ANKRD36C: variants seen among roughly 807,000 people sequenced by gnomAD.
ANKRD36C encodes the protein ankyrin repeat domain-containing protein 36C.
A neutral mutation model predicts 276.4 loss-of-function variants in ANKRD36C; 61 were observed. The ratio of observed to expected loss-of-function variants is 0.22; its 90% CI spans 0.18 to 0.27. The LOEUF (loss-of-function observed/expected upper bound fraction) is 0.27, where lower values mean the gene tolerates loss of function less well. ANKRD36C is among the 10% of genes least tolerant of loss of function. The probability of loss-of-function intolerance (pLI) is 1.00; values close to 1 mark genes in which losing one functional copy is unlikely to be tolerated. For synonymous variants in ANKRD36C, 483 were observed against 680.1 expected, an observed-to-expected ratio of 0.71 and a Z score of 4.51; for missense variants, 1,447 against 2,032.3, an observed-to-expected ratio of 0.71 and a Z score of 5.54.
chr2:95,963,270 T>G (rs912320976), intron 6 of ANKRD36C, among the ~76,000 whole-genome samples: 3 of 152,110 alleles, frequency 2.0e-5, no homozygotes, highest in Non-Finnish European at 2.9e-5. Flanking sequence ...ATTGACATAC[T>G]TCTACAAAAT....
chr2:95,914,042 C>T, intron 40 of ANKRD36C, 66 bp downstream of exon 42: 1 of 1,454,178 alleles, frequency 6.9e-7, no homozygotes, highest in Non-Finnish European at 9.4e-7. Context: ...CCGCTGATTT[C>T]TTCAGGGAAG....
At chr2:95,974,057 A>T (rs567224361) in intron 6 of ANKRD36C, among the ~76,000 whole-genome samples, 314 of 151,980 alleles carry the variant, frequency 2.1e-3, no homozygotes, top group Non-Finnish European at 3.1e-3. Flanking sequence ...TCTCAAAAAA[A>T]AAAAAAAATC....
chr2:95,884,086 CGACG>C, intron 54 of ANKRD36C, 83 bp downstream of exon 74: 1 of 1,427,454 alleles, frequency 7.0e-7, no homozygotes, highest in Non-Finnish European at 9.6e-7. Context: ...TGTGCAGCTT[CGACG>C]AGCCCTCCGT....
At chr2:95,864,949 T>C (rs1468424160) in intron 60 of ANKRD36C, among the ~76,000 whole-genome samples, 2 of 152,068 alleles carry the variant, frequency 1.3e-5, no homozygotes, top group African/African-American at 2.4e-5. Context: ...ACAAATTCAA[T>C]ATAGAAAAAT....
intron 39 of ANKRD36C, 47 bp downstream of exon 41, chr2:95,914,228 T>G: frequency 6.4e-7 from 1 of 1,560,166 alleles, no homozygotes; most frequent in Non-Finnish European, 8.7e-7. Context: ...GTATGTTTCA[T>G]AGACTATGCA....
intron 44 of ANKRD36C, among the ~76,000 whole-genome samples, chr2:95,894,001 C>A (rs1263661960): frequency 4.6e-5 from 7 of 151,410 alleles, no homozygotes; most frequent in Non-Finnish European, 1.0e-4. Flanking sequence ...TGTGCATAGG[C>A]CGAGTGATGA....
chr2:95,919,647 CA>C, intron 34 of ANKRD36C, 85 bp downstream of exon 36: 1 of 612,898 alleles, frequency 1.6e-6, no homozygotes, highest in Non-Finnish European at 2.0e-6. Flanking sequence ...CGACTCCCCC[CA>C]CCCACCCTCC....
At chr2:95,894,390 A>G (rs2104360865) in intron 44 of ANKRD36C, 1 of 152,900 alleles carries the variant, frequency 6.5e-6, no homozygotes, top group Middle Eastern at 3.4e-3. Context: ...ATGGCACCAA[A>G]GGATAATATA....
In ANKRD36C at chr2:95,891,823, T is replaced by C. The variant is rs1347942615; in HGVS notation, c.2784+9A>G. The C allele has an allele frequency of 1.9e-6, 3 of 1,559,712 alleles. No homozygotes were observed. The African/African-American group carries it at 4.1e-5, about 21-fold the overall frequency. On this transcript the variant is annotated intron_variant, in intron 45 of 66. Coordinates refer to ENST00000456556, the Ensembl canonical transcript of ANKRD36C. ...TACTAGTTCACAATATAAATGACAGTTTCATTACCTTCAAGCCTGATGGTT... is the reference window on the plus strand; with the variant it reads ...TACTAGTTCACAATATAAATGACAGCTTCATTACCTTCAAGCCTGATGGTT...
chr2:95,879,005 T>C (rs988135890), intron 58 of ANKRD36C, among the ~76,000 whole-genome samples: 5 of 152,182 alleles, frequency 3.3e-5, no homozygotes, highest in Admixed American at 2.0e-4. Flanking sequence ...GAGAAATCTG[T>C]CCTGACATGT....
chr2:95,945,525 T>A (rs146037662), intron 17 of ANKRD36C, among the ~76,000 whole-genome samples: 1 of 152,268 alleles, frequency 6.6e-6, no homozygotes, highest in Non-Finnish European at 1.5e-5. Flanking sequence ...AAAAGTCAAT[T>A]AATCACTTTA....
chr2:95,872,684 A>C (rs1341518418), intron 59 of ANKRD36C, among the ~76,000 whole-genome samples: 1 of 152,040 alleles, frequency 6.6e-6, no homozygotes, highest in East Asian at 1.9e-4. Context: ...AACTGAAGGA[A>C]ATAGAGACAC....
intron 34 of ANKRD36C, among the ~76,000 whole-genome samples, chr2:95,919,296 G>A (rs1230413644): frequency 1.5e-5 from 2 of 132,980 alleles, no homozygotes; most frequent in South Asian, 2.3e-4. Context: ...TACATCAGGG[G>A]TCTCCTTAGT....
intron 6 of ANKRD36C, among the ~76,000 whole-genome samples, chr2:95,966,510 C>T (rs1319509519): frequency 1.3e-5 from 2 of 152,110 alleles, no homozygotes; most frequent in South Asian, 2.1e-4. Context: ...CTGTTCTGTT[C>T]CATTGGTCTA....
intron 59 of ANKRD36C, among the ~76,000 whole-genome samples, chr2:95,874,605 G>C (rs1294575431): frequency 1.3e-5 from 2 of 152,332 alleles, no homozygotes; most frequent in African/African-American, 4.8e-5. Flanking sequence ...TTACCATTCA[G>C]GACATAGGCA....
chr2:95,914,308 A>T lies in ANKRD36C; in HGVS notation c.2450-5T>A. The T allele has an allele frequency of 3.2e-6, 5 of 1,548,160 alleles. No individual in the cohort carries two copies. Among genetic ancestry groups the T allele is most frequent in the Non-Finnish European group, 4.4e-6 (5 of 1,145,184 alleles). ...CTGCTGGTTTCTCAGAAGTCACTGA[A>T]AAGTAAAAGGGATTCATAATCACTC... On this transcript the variant is annotated splice_polypyrimidine_tract_variant and splice_region_variant and intron_variant, in intron 38 of 66. Transcript: ENST00000456556.
At chr2:95,918,111 G>C (rs1275749805) in intron 34 of ANKRD36C, 69 bp from the exon 37 acceptor site, 3 of 1,565,284 alleles carry the variant, frequency 1.9e-6, no homozygotes, top group Non-Finnish European at 2.6e-6. Flanking sequence ...CATTCACACA[G>C]TGTTAGCATC....
chr2:95,896,480 T>C (rs542029143), intron 44 of ANKRD36C, among the ~76,000 whole-genome samples: 1 of 150,076 alleles, frequency 6.7e-6, no homozygotes, highest in East Asian at 2.0e-4. Context: ...TAAAGAAGTC[T>C]CATTAAATAG....
chr2:95,914,343 A>T (rs1276188732), intron 38 of ANKRD36C, 40 bp from the exon 41 acceptor site: 22 of 1,542,384 alleles, frequency 1.4e-5, no homozygotes, highest in East Asian at 2.5e-5. Context: ...CATATGTAAA[A>T]ATGACAAAAT....
Sources: allele counts gnomAD v4.1 joint callset (sites outside exome capture counted in the v4.1 genomes callset), GRCh38; gene constraint gnomAD v4.1.1; transcripts MANE v1.5; gene names NCBI Gene and HGNC (gene_info 2026-07-23, HGNC 2026-07-21).